The following MGST2 variants were observed in gnomAD, a reference collection of about 807,000 sequenced individuals.
MGST2 encodes the protein glutathione peroxidase MGST2.
A neutral mutation model predicts 16.6 loss-of-function variants in MGST2; 9 were observed. That is an observed-to-expected ratio of 0.54 (90% CI 0.33 to 0.95). MGST2 has a LOEUF of 0.95. MGST2 is among the 40% of genes least tolerant of loss of function. MGST2 has a pLI of 0.03. For synonymous variants in MGST2, 79 were observed against 68.0 expected, an observed-to-expected ratio of 1.16 and a Z score of -0.79; for missense variants, 159 against 175.1, an observed-to-expected ratio of 0.91 and a Z score of 0.52.
the MGST2 span, among the ~76,000 whole-genome samples, chr4:139,746,448 T>G: frequency 6.9e-6 from 1 of 145,322 alleles, no homozygotes; most frequent in African/African-American, 2.6e-5. Context: ...TTTAAAAATT[T>G]TCCTACCCCT....
chr4:139,750,027 G>T, the MGST2 span, among the ~76,000 whole-genome samples: 1 of 152,128 alleles, frequency 6.6e-6, no homozygotes. Flanking sequence ...CAGTGAATTT[G>T]ATTGTACCCT....
intron 5 of MGST2, chr4:139,717,041 A>C (rs1376949443): frequency 6.6e-6 from 1 of 152,486 alleles, no homozygotes; most frequent in African/African-American, 2.4e-5. Flanking sequence ...CAAACAGTAT[A>C]TATATATTTA....
At chr4:139,753,344 C>G in the MGST2 span, among the ~76,000 whole-genome samples, 6 of 119,708 alleles carry the variant, frequency 5.0e-5, no homozygotes, top group South Asian at 2.9e-4. Flanking sequence ...TCTTTTTAAT[C>G]TATCTATCTA....
chr4:139,670,260 G>GT (rs1365020573), intron 1 of MGST2, among the ~76,000 whole-genome samples: 5 of 130,754 alleles, frequency 3.8e-5, no homozygotes, highest in Admixed American at 8.1e-5. Context: ...GTGGGGGGCG[G>GT]GGGGGGGGCG....
intron 2 of MGST2, among the ~76,000 whole-genome samples, chr4:139,691,835 A>G (rs1348317710): frequency 6.6e-6 from 1 of 152,020 alleles, no homozygotes; most frequent in Admixed American, 6.5e-5. Flanking sequence ...AGTAACTGGG[A>G]CTACAGGCAC....
At chr4:139,713,473 C>CA (rs1217817783) in intron 5 of MGST2, among the ~76,000 whole-genome samples, 385 of 4,132 alleles carry the variant, frequency 0.093, 82 homozygotes, top group South Asian at 0.38. Flanking sequence ...AGTGGCAAGA[C>CA]AGAAAAAAAA....
chr4:139,723,445 G>C (rs1438200666), intron 5 of MGST2, among the ~76,000 whole-genome samples: 2 of 152,130 alleles, frequency 1.3e-5, no homozygotes, highest in African/African-American at 2.4e-5. Context: ...GGAGTAGCTG[G>C]GATTACAGGC....
intron 5 of MGST2, chr4:139,719,416 G>C: frequency 6.2e-7 from 1 of 1,614,002 alleles, no homozygotes; most frequent in Non-Finnish European, 8.5e-7. Context: ...CACCGTCCGG[G>C]AGGCCAGGGA....
intron 2 of MGST2, among the ~76,000 whole-genome samples, chr4:139,683,081 G>C (rs532549394): frequency 2.6e-5 from 4 of 152,166 alleles, no homozygotes; most frequent in Admixed American, 6.5e-5. Flanking sequence ...GCAGGCAAGC[G>C]GGGGCAGTTC....
chr4:139,688,766 T>G (rs577695227), intron 2 of MGST2, among the ~76,000 whole-genome samples: 2 of 152,258 alleles, frequency 1.3e-5, no homozygotes, highest in South Asian at 4.2e-4. Flanking sequence ...GTAACCATCA[T>G]GGACAATAGC....
In MGST2 at chr4:139,665,945, A is replaced by T; in HGVS notation, c.-75A>T. On this transcript the variant is annotated 5_prime_UTR_variant, in exon 1 of 5. Coordinates refer to ENST00000265498, the MANE Select transcript of MGST2 (RefSeq NM_002413.5). ...CGGTCCCCAACTTTGTTTACCCGAT[A>T]AGGAAGGTCAGCATTCAAAGTCAAG... The T allele has an allele frequency of 1.4e-6, 2 of 1,459,218 alleles. No individual in the cohort carries two copies. The highest frequency in any genetic ancestry group is 1.4e-5 in the African/African-American group (1 of 72,060). The allele number at this position is 1,459,218 out of a possible 1,614,324, so 90.4% of individuals were successfully genotyped here.
At chr4:139,704,285 A>G, downstream of MGST2, 2 of 1,128,518 alleles carry the variant, frequency 1.8e-6, no homozygotes, top group Middle Eastern at 2.2e-4. Context: ...TTTAGAGAAT[A>G]CATTTCCTGT....
chr4:139,714,152 C>T (rs531222480), intron 5 of MGST2, among the ~76,000 whole-genome samples: 1 of 152,140 alleles, frequency 6.6e-6, no homozygotes, highest in Non-Finnish European at 1.5e-5. Flanking sequence ...TATTACTGAC[C>T]AGCTTGTGAG....
intron 1 of MGST2, among the ~76,000 whole-genome samples, chr4:139,668,634 G>A (rs1044336582): frequency 2.0e-5 from 3 of 150,814 alleles, no homozygotes; most frequent in African/African-American, 7.3e-5. Context: ...GGGGGTAGAG[G>A]GGGAGAGGGA....
chr4:139,743,256 C>T (rs1018195303), downstream of MGST2, among the ~76,000 whole-genome samples: 1 of 152,202 alleles, frequency 6.6e-6, no homozygotes, highest in African/African-American at 2.4e-5. Context: ...AACAGCAGAA[C>T]AGGAGGGGCA....
intron 5 of MGST2, among the ~76,000 whole-genome samples, chr4:139,729,829 A>C (rs1354346156): frequency 1.3e-5 from 2 of 152,204 alleles, no homozygotes; most frequent in Non-Finnish European, 2.9e-5. Flanking sequence ...CCTTTAACTC[A>C]CAGATTTCCT....
chr4:139,720,446 A>G (rs1728190119), intron 5 of MGST2: 1 of 813,270 alleles, frequency 1.2e-6, no homozygotes, highest in African/African-American at 1.7e-5. Context: ...TACTCTGATA[A>G]TAAATCTGTA....
At chr4:139,740,052 T>C (rs1396457340) in intron 5 of MGST2, among the ~76,000 whole-genome samples, 1 of 152,106 alleles carries the variant, frequency 6.6e-6, no homozygotes, top group East Asian at 1.9e-4. Context: ...TGGGCTTGGA[T>C]ACAGGTTCAG....
chr4:139,708,275 A>C (rs1263781782), downstream of MGST2, among the ~76,000 whole-genome samples: 1 of 152,206 alleles, frequency 6.6e-6, no homozygotes, highest in African/African-American at 2.4e-5. Context: ...TCAGCTTTCT[A>C]CATATGGCTA....
Sources: gnomAD v4.1 joint callset for allele counts (sites outside exome capture counted in the v4.1 genomes callset) on GRCh38, gnomAD v4.1.1 for gene constraint, MANE v1.5 for transcripts, NCBI Gene and HGNC (gene_info 2026-07-23, HGNC 2026-07-21) for gene names.